Variants in EFR3B observed in about 807,000 individuals in gnomAD.
EFR3B encodes the protein EFR3 homolog B.
Under a neutral mutation model 104.7 loss-of-function variants are expected in EFR3B, and 64 were observed. The ratio of observed to expected loss-of-function variants is 0.61; its 90% CI spans 0.50 to 0.75. The LOEUF (loss-of-function observed/expected upper bound fraction) is 0.75, where lower values mean the gene tolerates loss of function less well. Among genes scored for constraint, EFR3B ranks in the 30% least tolerant of loss-of-function variants. EFR3B has a pLI of 0.00. For missense variants in EFR3B, 750 were observed against 1,078.5 expected, an observed-to-expected ratio of 0.70 and a Z score of 4.27; for synonymous variants, 385 against 417.9, an observed-to-expected ratio of 0.92 and a Z score of 0.96.
Position 25,131,974 on chromosome 2 carries a change from A to C in EFR3B, c.1147+63A>C. The C allele has an allele frequency of 3.0e-5, 1 of 33,876 alleles. No individual in the cohort carries two copies. The allele number at this position is 33,876 out of a possible 1,614,324, so 2.1% of individuals were successfully genotyped here. On this transcript the variant is annotated intron_variant, in intron 10 of 22. Transcript: ENST00000403714. This position sits in a 1 kb window ranked among gnomAD's most constrained non-coding sequence, Gnocchi z 7.6. ...AGGCGCGGAGTGGGGAGGGGAGGGGAGGGACGGGACGGGGCCCAGGGGCTC... is the reference window on the plus strand; with the variant it reads ...AGGCGCGGAGTGGGGAGGGGAGGGGCGGGACGGGACGGGGCCCAGGGGCTC...
rs1441867710 is a variant in EFR3B, at chr2:25,155,360, A to T, written c.*1020A>T. 1 of 152,208 alleles carries T rather than the reference A, an allele frequency of 6.6e-6. No homozygotes were observed. Among genetic ancestry groups the T allele is most frequent in the Admixed American group, 6.5e-5 (1 of 15,270 alleles). 9.4% of individuals were successfully genotyped at this position (152,208 alleles called of 1,614,324 possible). A position where few individuals can be genotyped will look rare whatever the true frequency, so the allele number is the denominator to read the frequency against. ...TTTTGGATGTTCCGTTTGAAGAAAGAAGGATCTAACACCTAATATTGGAAT... is the reference window on the plus strand; with the variant it reads ...TTTTGGATGTTCCGTTTGAAGAAAGTAGGATCTAACACCTAATATTGGAAT... On this transcript the variant is annotated 3_prime_UTR_variant, in exon 23 of 23. Coordinates refer to ENST00000403714, the MANE Select transcript of EFR3B (RefSeq NM_014971.2).
chr2:25,100,819 G>A (rs1669411848), intron 3 of EFR3B, among the ~76,000 whole-genome samples: 1 of 152,138 alleles, frequency 6.6e-6, no homozygotes, highest in African/African-American at 2.4e-5. Flanking sequence ...GTGTCAGGAG[G>A]TACTTTTCTA....
In EFR3B at chr2:25,137,587, G is replaced by A. The variant is rs950076808; in HGVS notation, c.1722+85G>A. 2.2e-5 allele frequency: 33 copies of A among 1,520,784 alleles called. No homozygotes were observed. The highest frequency in any genetic ancestry group is 2.5e-5 in the Non-Finnish European group (28 of 1,126,362). 94.2% of individuals were successfully genotyped at this position (1,520,784 alleles called of 1,614,324 possible). On this transcript the variant is annotated intron_variant, in intron 15 of 22. Coordinates refer to ENST00000403714, the MANE Select transcript of EFR3B (RefSeq NM_014971.2). This position sits in a 1 kb window ranked among gnomAD's most constrained non-coding sequence, Gnocchi z 4.7. ...CAAGCCCTGATAAGAGTATTGACTAGCAACTGCTTAACACTGTTTTGGAGC... is the reference window on the plus strand; with the variant it reads ...CAAGCCCTGATAAGAGTATTGACTAACAACTGCTTAACACTGTTTTGGAGC...
rs192907720 is a variant in EFR3B at position 25,155,096 on chromosome 2, T to C, written c.*756T>C. On this transcript the variant is annotated 3_prime_UTR_variant, in exon 23 of 23. Transcript: ENST00000403714. ...CTCCCACAGTCCTGTCTGCTGGACG[T>C]TTTTCAGAGTTGGGTTCTCTCTCTT... 1 of 152,356 alleles carries C rather than the reference T, an allele frequency of 6.6e-6. No homozygotes were observed. Among genetic ancestry groups the C allele is most frequent in the East Asian group, 1.9e-4 (1 of 5,162 alleles). The allele number at this position is 152,356 out of a possible 1,614,324, so 9.4% of individuals were successfully genotyped here. A position where few individuals can be genotyped will look rare whatever the true frequency, so the allele number is the denominator to read the frequency against.
intron 1 of EFR3B, among the ~76,000 whole-genome samples, chr2:25,047,566 T>C (rs1002788667): frequency 1.3e-5 from 2 of 151,748 alleles, no homozygotes. Flanking sequence ...TGGCGTGGTC[T>C]TGACTCACTG....
chr2:25,125,762 C>T (rs915355370), intron 5 of EFR3B, among the ~76,000 whole-genome samples: 5 of 152,178 alleles, frequency 3.3e-5, no homozygotes, highest in Non-Finnish European at 5.9e-5. Flanking sequence ...TCCTGGCTAA[C>T]ACGGTGAAAC....
chr2:25,075,856 T>G (rs1161241572), intron 1 of EFR3B, among the ~76,000 whole-genome samples: 1 of 152,208 alleles, frequency 6.6e-6, no homozygotes, highest in Non-Finnish European at 1.5e-5. Context: ...ACGGTCATGA[T>G]GATGCCCTTT....
At chr2:25,047,432 G>C (rs988137225) in intron 1 of EFR3B, among the ~76,000 whole-genome samples, 4 of 152,124 alleles carry the variant, frequency 2.6e-5, no homozygotes, top group Admixed American at 2.0e-4. Flanking sequence ...TAGGATAAGA[G>C]AGCTGCCCCC....
chr2:25,122,204 T>G (rs1156634737), intron 5 of EFR3B, among the ~76,000 whole-genome samples: 1 of 152,048 alleles, frequency 6.6e-6, no homozygotes, highest in Admixed American at 6.6e-5. Context: ...TGACCTCAGG[T>G]GATCCACCCA....
At chr2:25,088,601 G>T (rs893271329) in intron 1 of EFR3B, among the ~76,000 whole-genome samples, 6 of 152,256 alleles carry the variant, frequency 3.9e-5, no homozygotes, top group African/African-American at 1.4e-4. Context: ...CCTTCCTGGG[G>T]CCTGACAGTC....
At chr2:25,119,414 T>C (rs1669954838) in intron 4 of EFR3B, among the ~76,000 whole-genome samples, 1 of 152,202 alleles carries the variant, frequency 6.6e-6, no homozygotes. Context: ...AGGGCAGTGA[T>C]GCACCCAAAC....
Position 25,131,604 on chromosome 2 carries a change from T to A in EFR3B, c.985+101T>A. On this transcript the variant is annotated intron_variant, in intron 9 of 22. Coordinates refer to ENST00000403714, the MANE Select transcript of EFR3B (RefSeq NM_014971.2). The surrounding 1 kb of genome is among the most constrained non-coding windows in gnomAD (Gnocchi z 7.6). The stretch of plus-strand genomic sequence containing the variant: ...CAACAGGGAGGGGTCGGAGTCCGTT[T>A]TCCTCGGGAGAAGTCCGCCAGGAAG... 3 of 1,508,692 alleles carry A rather than the reference T, an allele frequency of 2.0e-6. No homozygotes were observed. The highest frequency in any genetic ancestry group is 2.7e-6 in the Non-Finnish European group (3 of 1,122,914). 93.5% of individuals were successfully genotyped at this position (1,508,692 alleles called of 1,614,324 possible).
At chr2:25,141,292 G>T in intron 16 of EFR3B, 74 bp from the exon 17 acceptor site, 1 of 1,483,620 alleles carries the variant, frequency 6.7e-7, no homozygotes, top group South Asian at 1.3e-5. Flanking sequence ...AGCCGGGCAT[G>T]GGAGCTCTTT....
chr2:25,053,087 G>A (rs1382229743), intron 1 of EFR3B, among the ~76,000 whole-genome samples: 1 of 152,182 alleles, frequency 6.6e-6, no homozygotes, highest in African/African-American at 2.4e-5. Flanking sequence ...GAGAATACAG[G>A]TCTTTCCTCT....
At chr2:25,122,198 C>G (rs779230522) in intron 5 of EFR3B, among the ~76,000 whole-genome samples, 1 of 152,064 alleles carries the variant, frequency 6.6e-6, no homozygotes, top group Non-Finnish European at 1.5e-5. Flanking sequence ...AACTCCTGAC[C>G]TCAGGTGATC....
In EFR3B at chr2:25,070,543, G is replaced by A. The variant is rs201380687; in HGVS notation, c.8-20782G>A. Among the ~76,000 whole-genome samples, 42 of 152,264 alleles carry A rather than the reference G, an allele frequency of 2.8e-4. No homozygotes were observed. The East Asian group carries it at 7.1e-3, about 26-fold the overall frequency. On this transcript the variant is annotated intron_variant, in intron 1 of 22. Coordinates refer to ENST00000403714, the MANE Select transcript of EFR3B (RefSeq NM_014971.2). ...CTCCCAAAGTGCTAGGATTACAGGCGTGAGCCACCGCATCCTACTGGCTTC... is the reference window on the plus strand; with the variant it reads ...CTCCCAAAGTGCTAGGATTACAGGCATGAGCCACCGCATCCTACTGGCTTC...
chr2:25,042,145 C>T lies in EFR3B; in HGVS notation c.-168C>T, dbSNP rs2149159726. The T allele has an allele frequency of 3.5e-6, 2 of 567,236 alleles. No individual in the cohort carries two copies. The highest frequency in any genetic ancestry group is 8.8e-5 in the South Asian group (1 of 11,340). The allele number at this position is 567,236 out of a possible 1,614,324, so 35.1% of individuals were successfully genotyped here. A position where few individuals can be genotyped will look rare whatever the true frequency, so the allele number is the denominator to read the frequency against. ...CGCTGAATGGGCTGGCGGCGCCCGG[C>T]TCCGTCCTGCCCGCGGCCGGCCCCC... On this transcript the variant is annotated 5_prime_UTR_variant, in exon 1 of 23. Coordinates refer to ENST00000403714, the MANE Select transcript of EFR3B (RefSeq NM_014971.2). The surrounding 1 kb of genome is among the most constrained non-coding windows in gnomAD (Gnocchi z 5.4).
At chr2:25,057,519 C>G (rs536428311) in intron 1 of EFR3B, among the ~76,000 whole-genome samples, 1 of 152,074 alleles carries the variant, frequency 6.6e-6, no homozygotes, top group Admixed American at 6.6e-5. Context: ...CGGTGGCTCA[C>G]GCCTGTAATC....
chr2:25,123,953 C>A (rs574814347), intron 5 of EFR3B, among the ~76,000 whole-genome samples: 56 of 152,238 alleles, frequency 3.7e-4, no homozygotes, highest in Non-Finnish European at 5.7e-4. Context: ...AGTGCCATTA[C>A]ACCCACAGGC....
Sources: gnomAD v4.1 joint callset for allele counts (sites outside exome capture counted in the v4.1 genomes callset) on GRCh38, gnomAD v4.1.1 for gene constraint, Gnocchi (gnomAD v3.1) non-coding constraint, MANE v1.5 for transcripts, NCBI Gene and HGNC (gene_info 2026-07-23, HGNC 2026-07-21) for gene names.